Variants in CNTNAP1 observed in about 807,000 individuals in gnomAD.
CNTNAP1 encodes contactin associated protein 1, also known as contactin-associated protein 1.
CNTNAP1 carries 80 observed loss-of-function variants against 161.5 expected under a neutral mutation model. That is an observed-to-expected ratio of 0.50 (90% CI 0.41 to 0.60). CNTNAP1 has a LOEUF of 0.60. Ranked by LOEUF, CNTNAP1 falls within the 20% of genes least tolerant of loss-of-function variation. The pLI, the probability that CNTNAP1 is intolerant of heterozygous loss-of-function variation, is 0.00. For synonymous variants in CNTNAP1, 695 were observed against 733.1 expected, an observed-to-expected ratio of 0.95 and a Z score of 0.84; for missense variants, 1,464 against 1,854.8, an observed-to-expected ratio of 0.79 and a Z score of 3.87.
Position 42,692,433 on chromosome 17 carries a change from A to G in CNTNAP1, c.2531-66A>G, listed in dbSNP as rs1442926339. Reference sequence around the variant, plus strand: ...GTGAGGGAAAGAGGTTATATTGGGCAAGGATCTATGAAGGGTCTTGTAGGT... The same window carrying G: ...GTGAGGGAAAGAGGTTATATTGGGCGAGGATCTATGAAGGGTCTTGTAGGT... On this transcript the variant is annotated intron_variant, in intron 16 of 23. Coordinates refer to ENST00000264638, the MANE Select transcript of CNTNAP1 (RefSeq NM_003632.3). 8 of 1,345,590 alleles carry G rather than the reference A, an allele frequency of 5.9e-6. No individual in the cohort carries two copies. In the African/African-American group the frequency reaches 1.2e-4, roughly 19 times the overall value. The allele number at this position is 1,345,590 out of a possible 1,614,324, so 83.4% of individuals were successfully genotyped here. A position where few individuals can be genotyped will look rare whatever the true frequency, so the allele number is the denominator to read the frequency against.
Position 42,696,075 on chromosome 17 carries a change from C to G in CNTNAP1, c.3397C>G (p.Leu1133Val). The change falls in exon 20 of 24, where the codon CTA becomes GTA. Residue 1133 changes from leucine to valine, a missense_variant. Leu to Val is a conservative substitution (Grantham distance 32). This residue lies in a region of CNTNAP1 where 1,383 missense variants were observed against 1,765.0 expected (regional missense o/e 0.78). Transcript: ENST00000264638. Reference protein sequence around the residue: ...QLGTSPYVYQLTTRPVTDGQP... With the variant: ...QLGTSPYVYQVTTRPVTDGQP... ...GGGCACCAGTCCCTACGTGTACCAG[C>G]TAACCACTCGACCAGTGACCGATGG... 2 of 1,614,206 alleles carry G rather than the reference C, an allele frequency of 1.2e-6. No homozygotes were observed. The highest frequency in any genetic ancestry group is 1.7e-6 in the Non-Finnish European group (2 of 1,180,032).
At chr17:42,690,665 T>C in intron 12 of CNTNAP1, 74 bp from the exon 13 acceptor site, 1 of 1,462,498 alleles carries the variant, frequency 6.8e-7, no homozygotes, top group East Asian at 2.3e-5. Context: ...GCAGCAGCGG[T>C]GGTGGAGGTG....
Position 42,691,148 on chromosome 17 carries a change from T to C in CNTNAP1, c.2071T>C (p.Tyr691His). The C allele has an allele frequency of 6.2e-7, 1 of 1,614,080 alleles. No individual in the cohort carries two copies. The highest frequency in any genetic ancestry group is 8.5e-7 in the Non-Finnish European group (1 of 1,179,968). ...CACCTCTTCCCCAGGAGGCTACCCC[T>C]ACAGCTTTTGGATTGGCCGAAATGA... Reference protein sequence around the residue: ...RLLNTAGGYPYSFWIGRNEEQ... With the variant: ...RLLNTAGGYPHSFWIGRNEEQ... The change falls in exon 14 of 24, where the codon TAC (tyrosine) becomes CAC (histidine). Residue 691 changes from tyrosine to histidine, a missense_variant. Around this residue, in one of 3 missense-constraint regions of CNTNAP1, gnomAD observed 1,383 missense variants for 1,765.0 expected, o/e 0.78. Coordinates refer to ENST00000264638, the MANE Select transcript of CNTNAP1 (RefSeq NM_003632.3). The surrounding 1 kb of genome is among the most constrained non-coding windows in gnomAD (Gnocchi z 4.3).
chr17:42,689,461 C>A, intron 10 of CNTNAP1, 60 bp from the exon 11 acceptor site: 1 of 1,343,062 alleles, frequency 7.4e-7, no homozygotes, highest in Non-Finnish European at 1.1e-6. Flanking sequence ...TTGCAGGGAT[C>A]AGACCCCACT....
intron 20 of CNTNAP1, among the ~76,000 whole-genome samples, chr17:42,696,507 G>A (rs1252774983): frequency 1.8e-4 from 27 of 152,054 alleles, no homozygotes; most frequent in Admixed American, 1.8e-3. Context: ...ATTTTTAGTA[G>A]AGACAGGAGT....
Position 42,685,110 on chromosome 17 carries a change from G to C in CNTNAP1, c.483G>C (p.Leu161=), listed in dbSNP as rs1320808197. ...LAWNPRGKIG[L]RLGLYGCPYK... ...GGAACCCACGCGGCAAGATCGGCCTGAGGCTCGGCCTCTATGGCTGCCCAT... is the reference window on the plus strand; with the variant it reads ...GGAACCCACGCGGCAAGATCGGCCTCAGGCTCGGCCTCTATGGCTGCCCAT... Residue 161 remains leucine (L), a synonymous_variant, in exon 4 of 24, where the codon CTG becomes CTC. Coordinates refer to ENST00000264638, the MANE Select transcript of CNTNAP1 (RefSeq NM_003632.3). This position sits in a 1 kb window ranked among gnomAD's most constrained non-coding sequence, Gnocchi z 5.0. 6.3e-7 allele frequency: 1 copy of C among 1,581,814 alleles called. No homozygotes were observed. The highest frequency in any genetic ancestry group is 8.6e-7 in the Non-Finnish European group (1 of 1,162,756).
chr17:42,691,124 A>C lies in CNTNAP1; in HGVS notation c.2060-13A>C. 6.2e-7 allele frequency: 1 copy of C among 1,613,046 alleles called. No individual in the cohort carries two copies. The highest frequency in any genetic ancestry group is 8.5e-7 in the Non-Finnish European group (1 of 1,179,606). Reference sequence around the variant, plus strand: ...GGGACAGGGCCTGGAAGCTGCCTGCACCTCTTCCCCAGGAGGCTACCCCTA... The same window carrying C: ...GGGACAGGGCCTGGAAGCTGCCTGCCCCTCTTCCCCAGGAGGCTACCCCTA... On this transcript the variant is annotated splice_polypyrimidine_tract_variant and intron_variant, in intron 13 of 23. Transcript: ENST00000264638. This position sits in a 1 kb window ranked among gnomAD's most constrained non-coding sequence, Gnocchi z 4.3.
In CNTNAP1 at chr17:42,691,302, G is replaced by A. The variant is rs376455963; in HGVS notation, c.2216+9G>A. 1 of 1,614,114 alleles carries A rather than the reference G, an allele frequency of 6.2e-7. No homozygotes were observed. The highest frequency in any genetic ancestry group is 8.5e-7 in the Non-Finnish European group (1 of 1,179,992). ...GCTGACCAGCCCCAGTGGTGAGGGG[G>A]CAAAGGGACAGGGTTTTTAGGACTC... On this transcript the variant is annotated intron_variant, in intron 14 of 23. Coordinates refer to ENST00000264638, the MANE Select transcript of CNTNAP1 (RefSeq NM_003632.3). The surrounding 1 kb of genome is among the most constrained non-coding windows in gnomAD (Gnocchi z 4.3).
Position 42,699,218 on chromosome 17 carries a change from G to A in CNTNAP1, c.*308G>A. On this transcript the variant is annotated 3_prime_UTR_variant, in exon 24 of 24. Coordinates refer to ENST00000264638, the MANE Select transcript of CNTNAP1 (RefSeq NM_003632.3). ...CCTTTCTGCCATCTCTGTTCCAGCT[G>A]CTGTCAGGGATTAACAACAGAGTGT... 3.1e-6 allele frequency: 1 copy of A among 320,442 alleles called. No individual in the cohort carries two copies. Among genetic ancestry groups the A allele is most frequent in the East Asian group, 5.4e-5 (1 of 18,564 alleles). The allele number at this position is 320,442 out of a possible 1,614,324, so 19.8% of individuals were successfully genotyped here.
chr17:42,699,025 TATTCCCCC>T lies in CNTNAP1; in HGVS notation c.*118_*125del. ...TAGCTGGCTCTGCTCATCCAGAGGATATTCCCCCATCCCCCCCCCATCAAGTTTGGTGG... is the reference window on the plus strand; with the variant it reads ...TAGCTGGCTCTGCTCATCCAGAGGATATCCCCCCCCCATCAAGTTTGGTGG... On this transcript the variant is annotated 3_prime_UTR_variant, in exon 24 of 24. Coordinates refer to ENST00000264638, the MANE Select transcript of CNTNAP1 (RefSeq NM_003632.3). The T allele has an allele frequency of 1.2e-6, 1 of 855,102 alleles. No individual in the cohort carries two copies. The highest frequency in any genetic ancestry group is 1.7e-6 in the Non-Finnish European group (1 of 585,882). 53.0% of individuals were successfully genotyped at this position (855,102 alleles called of 1,614,324 possible). A position where few individuals can be genotyped will look rare whatever the true frequency, so the allele number is the denominator to read the frequency against.
chr17:42,692,397 G>A, intron 16 of CNTNAP1, 102 bp from the exon 17 acceptor site: 1 of 964,258 alleles, frequency 1.0e-6, no homozygotes. Flanking sequence ...TATTCAAGAA[G>A]CTCCAAAGAG....
chr17:42,689,059 C>A lies in CNTNAP1; in HGVS notation c.1628+12C>A. ...GGCATCACTGATAGGTACCCAGAAGCCCCTAACAAGAGATGACCCCTCCAA... is the reference window on the plus strand; with the variant it reads ...GGCATCACTGATAGGTACCCAGAAGACCCTAACAAGAGATGACCCCTCCAA... On this transcript the variant is annotated intron_variant, in intron 10 of 23. Coordinates refer to ENST00000264638, the MANE Select transcript of CNTNAP1 (RefSeq NM_003632.3). 6.4e-7 allele frequency: 1 copy of A among 1,552,078 alleles called. No homozygotes were observed. Among genetic ancestry groups the A allele is most frequent in the South Asian group, 1.2e-5 (1 of 80,914 alleles).
rs773551154 is a variant in CNTNAP1 at position 42,698,863 on chromosome 17, C to G, written c.4108C>G (p.Arg1370Gly). Reference sequence around the variant, plus strand: ...AACTCCAGCCCCAGCCCCTGGCCCCCGGGATCAGAACCTACCCCAGATCCT... The same window carrying G: ...AACTCCAGCCCCAGCCCCTGGCCCCGGGGATCAGAACCTACCCCAGATCCT... Reference protein sequence around the residue: ...APTPAPAPGPRDQNLPQILEE... With the variant: ...APTPAPAPGPGDQNLPQILEE... Residue 1370 changes from arginine to glycine, a missense_variant, in exon 24 of 24, where the codon CGG becomes GGG. Physicochemically the swap from Arg to Gly is moderately radical, Grantham distance 125. Transcript: ENST00000264638. 3 of 1,585,458 alleles carry G rather than the reference C, an allele frequency of 1.9e-6. No homozygotes were observed. Among genetic ancestry groups the G allele is most frequent in the Non-Finnish European group, 2.6e-6 (3 of 1,171,914 alleles).
rs2053192266 is a variant in CNTNAP1 at position 42,699,016 on chromosome 17, T to G, written c.*106T>G. On this transcript the variant is annotated 3_prime_UTR_variant, in exon 24 of 24. Coordinates refer to ENST00000264638, the MANE Select transcript of CNTNAP1 (RefSeq NM_003632.3). ...GGCTCCTCTTAGCTGGCTCTGCTCA[T>G]CCAGAGGATATTCCCCCATCCCCCC... 1 of 985,144 alleles carries G rather than the reference T, an allele frequency of 1.0e-6. No individual in the cohort carries two copies. Among genetic ancestry groups the G allele is most frequent in the Admixed American group, 2.6e-5 (1 of 38,190 alleles). 61.0% of individuals were successfully genotyped at this position (985,144 alleles called of 1,614,324 possible).
chr17:42,684,641 G>T (rs2052981029), intron 3 of CNTNAP1, among the ~76,000 whole-genome samples: 1 of 151,984 alleles, frequency 6.6e-6, no homozygotes, highest in Admixed American at 6.6e-5. Flanking sequence ...AGAAGCAGAG[G>T]GGGGCCGGGC....
At chr17:42,683,570 TAGG>T in intron 1 of CNTNAP1, 1 of 1,364,914 alleles carries the variant, frequency 7.3e-7, no homozygotes. Flanking sequence ...TTGGGCTAGC[TAGG>T]GAGGGTCTGG....
In CNTNAP1 at chr17:42,693,401, A is replaced by G. The variant is rs1412856934; in HGVS notation, c.2857A>G (p.Thr953Ala). The change falls in exon 18 of 24, where the codon ACC becomes GCC. Residue 953 changes from threonine to alanine, a missense_variant. Coordinates refer to ENST00000264638, the MANE Select transcript of CNTNAP1 (RefSeq NM_003632.3). Reference protein sequence around the residue: ...LEGRANASEGTSPNCTGHCAH... With the variant: ...LEGRANASEGASPNCTGHCAH... ...GGGCCGTGCCAATGCCTCTGAGGGT[A>G]CCTCACCCAACTGCACAGGCCACTG... is the stretch of plus-strand genomic sequence containing the variant. 6.2e-7 allele frequency: 1 copy of G among 1,613,898 alleles called. No homozygotes were observed. Among genetic ancestry groups the G allele is most frequent in the African/African-American group, 1.3e-5 (1 of 74,852 alleles).
Position 42,683,828 on chromosome 17 carries a change from C to T in CNTNAP1, c.75C>T (p.Cys25=). Residue 25 remains cysteine (C), a synonymous_variant, in exon 2 of 24, where the codon TGC becomes TGT. Coordinates refer to ENST00000264638, the MANE Select transcript of CNTNAP1 (RefSeq NM_003632.3). ...TCGGTTTCCCTACCCTAGACGGCTGCGACGAGGAGCTGGTGGGTCCCCTGT... is the reference window on the plus strand; with the variant it reads ...TCGGTTTCCCTACCCTAGACGGCTGTGACGAGGAGCTGGTGGGTCCCCTGT... ...SGAEGWGYYG[C]DEELVGPLYA... 3 of 1,611,246 alleles carry T rather than the reference C, an allele frequency of 1.9e-6. No individual in the cohort carries two copies. Among genetic ancestry groups the T allele is most frequent in the South Asian group, 2.2e-5 (2 of 91,072 alleles).
At chr17:42,689,301 A>G (rs1225696209) in intron 10 of CNTNAP1, among the ~76,000 whole-genome samples, 1 of 151,946 alleles carries the variant, frequency 6.6e-6, no homozygotes, top group African/African-American at 2.4e-5. Context: ...GGGGTAGAAT[A>G]AGGCATGTTT....
Sources: gnomAD v4.1 joint callset for allele counts (sites outside exome capture counted in the v4.1 genomes callset) on GRCh38, gnomAD v4.1.1 for gene constraint, gnomAD v4.1.1 regional missense constraint, Gnocchi (gnomAD v3.1) non-coding constraint, MANE v1.5 for transcripts, NCBI Gene and HGNC (gene_info 2026-07-23, HGNC 2026-07-21) for gene names.